GLI3: variants seen among roughly 807,000 people sequenced by gnomAD.
The protein encoded by GLI3 is transcription activator GLI3.
A neutral mutation model predicts 100.8 loss-of-function variants in GLI3; 20 were observed. The ratio of observed to expected loss-of-function variants is 0.20; its 90% confidence interval spans 0.14 to 0.29. The LOEUF (loss-of-function observed/expected upper bound fraction) is 0.29, where lower values mean the gene tolerates loss of function less well. GLI3 is among the 10% of genes least tolerant of loss of function. The probability of loss-of-function intolerance (pLI) is 1.00; values close to 1 mark genes in which losing one functional copy is unlikely to be tolerated. For synonymous variants in GLI3, 938 were observed against 860.5 expected, an observed-to-expected ratio of 1.09 and a Z score of -1.58; for missense variants, 2,040 against 2,128.5, an observed-to-expected ratio of 0.96 and a Z score of 0.82.
chr7:42,186,391 A>G (rs967269880), intron 2 of GLI3, among the ~76,000 whole-genome samples: 1 of 152,186 alleles, frequency 6.6e-6, no homozygotes, highest in African/African-American at 2.4e-5. Context: ...TATAGCAGGT[A>G]CCCATGAGAG....
intron 1 of GLI3, among the ~76,000 whole-genome samples, chr7:42,245,637 C>G (rs183408575): frequency 6.6e-6 from 1 of 152,150 alleles, no homozygotes; most frequent in African/African-American, 2.4e-5. Flanking sequence ...GCTGAGGTCA[C>G]ACCACTGCAC....
upstream of GLI3, among the ~76,000 whole-genome samples, chr7:42,242,269 T>C (rs1434301572): frequency 6.6e-6 from 1 of 152,226 alleles, no homozygotes; most frequent in Non-Finnish European, 1.5e-5. Context: ...AGGTGAAGCC[T>C]GTACTCCTCA....
intron 4 of GLI3, among the ~76,000 whole-genome samples, chr7:42,068,468 T>A (rs187738799): frequency 7.9e-5 from 12 of 151,240 alleles, no homozygotes; most frequent in African/African-American, 2.9e-4. Context: ...TCCACCTCTC[T>A]CCTCCTATTT....
chr7:42,019,776 T>C (rs1388002653), intron 10 of GLI3, among the ~76,000 whole-genome samples: 1 of 152,200 alleles, frequency 6.6e-6, no homozygotes, highest in Non-Finnish European at 1.5e-5. Flanking sequence ...GGCAAATCAA[T>C]AATAAATTCA....
chr7:42,062,833 T>C (rs749310019), intron 4 of GLI3, among the ~76,000 whole-genome samples: 9 of 151,906 alleles, frequency 5.9e-5, no homozygotes, highest in Admixed American at 4.6e-4. Flanking sequence ...TGCTAGAAAA[T>C]TACTGTGCAG....
At chr7:42,248,536 A>G (rs1298874845) in intron 1 of GLI3, among the ~76,000 whole-genome samples, 1 of 152,312 alleles carries the variant, frequency 6.6e-6, no homozygotes, top group African/African-American at 2.4e-5. Flanking sequence ...TGATTTGCTT[A>G]ATTTACTTAA....
chr7:42,162,372 T>A (rs938268390), intron 2 of GLI3, among the ~76,000 whole-genome samples: 1 of 152,260 alleles, frequency 6.6e-6, no homozygotes, highest in African/African-American at 2.4e-5. Context: ...GTTGCACCTT[T>A]GGTTTAAGTT....
intron 4 of GLI3, among the ~76,000 whole-genome samples, chr7:42,074,559 C>T (rs1292713761): frequency 6.6e-6 from 1 of 152,208 alleles, no homozygotes; most frequent in Non-Finnish European, 1.5e-5. Flanking sequence ...AGCAGGAGTT[C>T]ACCATGCAGA....
intron 2 of GLI3, among the ~76,000 whole-genome samples, chr7:42,198,930 T>TG (rs1491236979): frequency 5.9e-5 from 1 of 17,018 alleles, no homozygotes; most frequent in African/African-American, 9.6e-4. Flanking sequence ...AAAAAGTTTC[T>TG]TTTTTTTTTT....
At chr7:42,164,419 C>T (rs1787196494) in intron 2 of GLI3, among the ~76,000 whole-genome samples, 1 of 151,978 alleles carries the variant, frequency 6.6e-6, no homozygotes, top group South Asian at 2.1e-4. Flanking sequence ...TCTTGGGAGG[C>T]TGGGGTGGGA....
chr7:42,239,662 A>G (rs1199387242), upstream of GLI3, among the ~76,000 whole-genome samples: 1 of 152,238 alleles, frequency 6.6e-6, no homozygotes, highest in Non-Finnish European at 1.5e-5. Context: ...CACATTTTGA[A>G]TCATGAAGAT....
In GLI3 at chr7:42,062,246, CCT is replaced by C. The variant is rs1784583775; in HGVS notation, c.474-13552_474-13551del. ...CTTTCTATGATTCAAACCATATTCC[CCT>C]GTCTGTCATTGCTTAGCTTTGACCA... On this transcript the variant is annotated intron_variant, in intron 4 of 14. Coordinates refer to ENST00000395925, the MANE Select transcript of GLI3 (RefSeq NM_000168.6). Among the ~76,000 whole-genome samples the C allele has an allele frequency of 3.9e-5, 6 of 152,264 alleles. No individual in the cohort carries two copies. In the South Asian group the frequency reaches 1.0e-3, roughly 26 times the overall value.
At chr7:42,127,458 C>CTGTG (rs769226948) in intron 3 of GLI3, among the ~76,000 whole-genome samples, 2 of 152,218 alleles carry the variant, frequency 1.3e-5, no homozygotes, top group East Asian at 3.9e-4. Context: ...TGTTTGCAGA[C>CTGTG]TGTGGTGCCT....
At chr7:42,137,084 A>C (rs1786446864) in intron 3 of GLI3, among the ~76,000 whole-genome samples, 1 of 152,194 alleles carries the variant, frequency 6.6e-6, no homozygotes, top group South Asian at 2.1e-4. Context: ...TCATATGTCA[A>C]AGGGGAAAAT....
intron 2 of GLI3, among the ~76,000 whole-genome samples, chr7:42,182,194 G>A (rs1279471693): frequency 6.6e-6 from 1 of 152,118 alleles, no homozygotes; most frequent in Non-Finnish European, 1.5e-5. Flanking sequence ...TAGACCCGTG[G>A]CCGGTGAGCA....
chr7:42,121,514 T>A (rs1358459477), intron 3 of GLI3, among the ~76,000 whole-genome samples: 1 of 152,218 alleles, frequency 6.6e-6, no homozygotes, highest in African/African-American at 2.4e-5. Flanking sequence ...TCAACAATTG[T>A]TAATTGCAAC....
Position 41,968,756 on chromosome 7 carries a change from GA to G in GLI3, c.2104-834del, listed in dbSNP as rs748427817. On this transcript the variant is annotated intron_variant, in intron 13 of 14. Transcript: ENST00000395925. The stretch of plus-strand genomic sequence containing the variant: ...AGAAAGAAAGAAAGAAAGAAAGAAA[GA>G]AAGAAGGAAAGAAAGAAAGAAAGAA... Among the ~76,000 whole-genome samples the G allele has an allele frequency of 2.5e-3, 239 of 96,642 alleles. 1 individual carries two copies. Among genetic ancestry groups the G allele is most frequent in the Middle Eastern group, 0.011 (2 of 182 alleles). The allele number at this position is 96,642 out of a possible 152,430, so 63.4% of individuals were successfully genotyped here. A position where few individuals can be genotyped will look rare whatever the true frequency, so the allele number is the denominator to read the frequency against.
chr7:42,155,479 C>G (rs1180859198), intron 2 of GLI3, among the ~76,000 whole-genome samples: 1 of 151,522 alleles, frequency 6.6e-6, no homozygotes. Context: ...TGCCCTCCAT[C>G]AGAGCCATAG....
chr7:42,188,938 A>C (rs918658608), intron 2 of GLI3, among the ~76,000 whole-genome samples: 1 of 152,198 alleles, frequency 6.6e-6, no homozygotes, highest in Non-Finnish European at 1.5e-5. Context: ...CCATTTGTCC[A>C]AACCCACAGA....
Sources: allele counts gnomAD v4.1 joint callset (sites outside exome capture counted in the v4.1 genomes callset), GRCh38; gene constraint gnomAD v4.1.1; transcripts MANE v1.5; gene names NCBI Gene and HGNC (gene_info 2026-07-23, HGNC 2026-07-21).